RTN4: variants seen among roughly 807,000 people sequenced by gnomAD.
RTN4 encodes the protein reticulon-4.
In RTN4, 32 loss-of-function variants were observed where a neutral mutation model predicts 90.4. The ratio of observed to expected loss-of-function variants is 0.35; its 90% CI spans 0.27 to 0.48. RTN4 has a LOEUF of 0.48. Among genes scored for constraint, RTN4 ranks in the 20% least tolerant of loss-of-function variants. RTN4 has a pLI of 0.99. For missense variants in RTN4, 1,706 were observed against 1,430.2 expected (o/e 1.19, Z -3.11); for synonymous variants, 629 against 552.5 (o/e 1.14, Z -1.94).
intron 5 of RTN4, among the ~76,000 whole-genome samples, chr2:54,977,778 C>T (rs1677760821): frequency 6.6e-6 from 1 of 152,196 alleles, no homozygotes; most frequent in South Asian, 2.1e-4. Flanking sequence ...TCTATAAATA[C>T]TTGAAATCTT....
At chr2:55,059,791 A>G (rs1280596295) in intron 2 of RTN4, among the ~76,000 whole-genome samples, 1 of 151,920 alleles carries the variant, frequency 6.6e-6, no homozygotes, top group Admixed American at 6.6e-5. Context: ...CCAAGATTGC[A>G]CTACTGCATT....
At chr2:54,996,566 C>T (rs1238507691) in intron 3 of RTN4, among the ~76,000 whole-genome samples, 1 of 152,124 alleles carries the variant, frequency 6.6e-6, no homozygotes, top group Non-Finnish European at 1.5e-5. Context: ...CACAAGGGTG[C>T]CAAGGCAACT....
At chr2:55,063,200 T>C (rs1558863628) in intron 2 of RTN4, among the ~76,000 whole-genome samples, 1 of 152,246 alleles carries the variant, frequency 6.6e-6, no homozygotes, top group Non-Finnish European at 1.5e-5. Flanking sequence ...CATATAATTA[T>C]AATTTTGGTA....
chr2:54,973,913 G>C lies in RTN4; in HGVS notation c.3431-46C>G, dbSNP rs202247359. On this transcript the variant is annotated intron_variant, in intron 6 of 8. Coordinates refer to ENST00000337526, the MANE Select transcript of RTN4 (RefSeq NM_020532.5). The stretch of plus-strand genomic sequence containing the variant: ...CTTTTCAAAAAGAACGGAATGATTT[G>C]GGAGGAATAAACACTCAAAAAACTA... The C allele has an allele frequency of 1.9e-5, 29 of 1,538,378 alleles. No homozygotes were observed. The South Asian group carries it at 3.3e-4, about 18-fold the overall frequency.
chr2:54,982,329 A>G (rs1678203051), intron 5 of RTN4, among the ~76,000 whole-genome samples, 186 bp downstream of exon 5: 1 of 152,168 alleles, frequency 6.6e-6, no homozygotes, highest in Admixed American at 6.5e-5. Context: ...TGACCAGAAA[A>G]AAAAAGGGAA....
chr2:54,974,746 C>T lies in RTN4; in HGVS notation c.3379G>A (p.Val1127Ile). The T allele has an allele frequency of 6.2e-7, 1 of 1,613,706 alleles. No homozygotes were observed. The highest frequency in any genetic ancestry group is 8.5e-7 in the Non-Finnish European group (1 of 1,179,642). The change falls in exon 6 of 9, where the codon GTA (valine) becomes ATA (isoleucine). Residue 1127 changes from valine (V) to isoleucine (I), a missense_variant. By Grantham distance (29) the Val-to-Ile change is conservative (BLOSUM62 3). Coordinates refer to ENST00000337526, the MANE Select transcript of RTN4 (RefSeq NM_020532.5). ...AACAAGGCACCAACATAGGTAAATA[C>T]CCACATCAACACTGCAAACTATAAG... ...DSLKFAVLMW[V>I]FTYVGALFNG...
intron 1 of RTN4, 84 bp from the exon 2 acceptor site, chr2:55,028,304 C>CCG: frequency 8.0e-7 from 1 of 1,243,560 alleles, no homozygotes; most frequent in Non-Finnish European, 1.1e-6. Flanking sequence ...AGCCAGGGTT[C>CCG]AGTTTGTAAT....
chr2:55,021,023 T>C (rs907410790), intron 3 of RTN4, among the ~76,000 whole-genome samples: 4 of 152,110 alleles, frequency 2.6e-5, no homozygotes, highest in Non-Finnish European at 5.9e-5. Context: ...ACATATGAGA[T>C]AATAAATGAT....
At chr2:55,105,491 A>C (rs1667928782) in intron 1 of RTN4, among the ~76,000 whole-genome samples, 1 of 151,950 alleles carries the variant, frequency 6.6e-6, no homozygotes, top group African/African-American at 2.4e-5. Flanking sequence ...CAGCTTCCCA[A>C]AGTTGTGGGA....
the RTN4 span, among the ~76,000 whole-genome samples, chr2:55,128,205 C>A: frequency 6.6e-6 from 1 of 152,124 alleles, no homozygotes; most frequent in African/African-American, 2.4e-5. Context: ...GTCCTCAAAA[C>A]TACTCCTGTT....
chr2:54,988,135 G>A (rs370544522), intron 3 of RTN4, among the ~76,000 whole-genome samples: 8 of 152,162 alleles, frequency 5.3e-5, no homozygotes, highest in African/African-American at 1.4e-4. Flanking sequence ...TGGCCAACAC[G>A]GCAAAACTCC....
intron 1 of RTN4, among the ~76,000 whole-genome samples, chr2:55,039,810 C>G (rs1467178752): frequency 2.6e-5 from 4 of 152,132 alleles, no homozygotes; most frequent in Non-Finnish European, 5.9e-5. Context: ...TGAACATTAG[C>G]TGGATGCTTG....
rs1677090792 is a variant in RTN4, at chr2:54,972,285, T to C, written c.*871A>G. 6.5e-6 allele frequency: 1 copy of C among 152,674 alleles called. No individual in the cohort carries two copies. Among genetic ancestry groups the C allele is most frequent in the South Asian group, 2.1e-4 (1 of 4,836 alleles). The allele number at this position is 152,674 out of a possible 1,614,324, so 9.5% of individuals were successfully genotyped here. A position where few individuals can be genotyped will look rare whatever the true frequency, so the allele number is the denominator to read the frequency against. On this transcript the variant is annotated 3_prime_UTR_variant, in exon 9 of 9. Transcript: ENST00000337526. ...ACAGCTTAAACCACAATGGTATAAA[T>C]CTTCATTTTGTAATTAATAATTTCT...
the RTN4 span, among the ~76,000 whole-genome samples, chr2:55,132,584 G>C: frequency 1.2e-4 from 18 of 151,486 alleles, no homozygotes; most frequent in Middle Eastern, 3.2e-3. Context: ...GGCCAAGGGA[G>C]GCAGGCTGCT....
chr2:55,068,431 A>G (rs1272552117), intron 2 of RTN4, among the ~76,000 whole-genome samples: 1 of 152,112 alleles, frequency 6.6e-6, no homozygotes, highest in Non-Finnish European at 1.5e-5. Context: ...CTTGCATCAG[A>G]AAAGTCTTTT....
At chr2:55,110,511 C>T (rs1442898432) in intron 1 of RTN4, among the ~76,000 whole-genome samples, 1 of 152,150 alleles carries the variant, frequency 6.6e-6, no homozygotes, top group African/African-American at 2.4e-5. Flanking sequence ...TGACATATCA[C>T]AGCCAATAAA....
chr2:55,043,996 G>C (rs1558846329), intron 1 of RTN4, among the ~76,000 whole-genome samples: 3 of 151,974 alleles, frequency 2.0e-5, no homozygotes, highest in Non-Finnish European at 4.4e-5. Flanking sequence ...AGGAATTTGA[G>C]CCCAGCCTGG....
chr2:55,018,270 T>C (rs1681187857), intron 3 of RTN4, among the ~76,000 whole-genome samples: 2 of 152,188 alleles, frequency 1.3e-5, no homozygotes, highest in South Asian at 4.1e-4. Context: ...ATGAGAAGAA[T>C]TCAGCTTTTC....
At chr2:54,993,201 CT>C (rs1679163808) in intron 3 of RTN4, among the ~76,000 whole-genome samples, 1 of 151,906 alleles carries the variant, frequency 6.6e-6, no homozygotes, top group African/African-American at 2.4e-5. Flanking sequence ...CTTCTTTACT[CT>C]TTTCTGTGCC....
Sources: gnomAD v4.1 joint callset for allele counts (sites outside exome capture counted in the v4.1 genomes callset) on GRCh38, gnomAD v4.1.1 for gene constraint, MANE v1.5 for transcripts, NCBI Gene and HGNC (gene_info 2026-07-23, HGNC 2026-07-21) for gene names.